GLI2: variants seen among roughly 807,000 people sequenced by gnomAD.
The protein encoded by GLI2 is GLI family zinc finger 2.
In GLI2, 22 loss-of-function variants were observed where a neutral mutation model predicts 78.9. The observed-to-expected ratio is 0.28, with a 90% CI of 0.20 to 0.40. The LOEUF is 0.40. Ranked by LOEUF, GLI2 falls within the 10% of genes least tolerant of loss-of-function variation. GLI2 has a pLI of 1.00. For synonymous variants in GLI2, 974 were observed against 963.7 expected (o/e 1.01, Z -0.20); for missense variants, 2,097 against 2,213.2 (o/e 0.95, Z 1.05).
intron 2 of GLI2, among the ~76,000 whole-genome samples, chr2:120,850,486 T>C (rs186050702): frequency 1.3e-5 from 2 of 152,226 alleles, no homozygotes; most frequent in Admixed American, 6.5e-5. Flanking sequence ...ACAATAAGGC[T>C]ATCTTCAGTC....
chr2:120,791,121 A>G (rs1356614764), intron 1 of GLI2, among the ~76,000 whole-genome samples: 1 of 152,136 alleles, frequency 6.6e-6, no homozygotes, highest in African/African-American at 2.4e-5. Context: ...TGCATCTCTC[A>G]TTGTGGGAGA....
At chr2:120,926,315 G>A (rs1331821368) in intron 2 of GLI2, among the ~76,000 whole-genome samples, 1 of 152,048 alleles carries the variant, frequency 6.6e-6, no homozygotes, top group African/African-American at 2.4e-5. Flanking sequence ...GGCAGATGGA[G>A]GTCAGGAGTT....
intron 3 of GLI2, among the ~76,000 whole-genome samples, chr2:120,933,856 G>GCCCTGC (rs1020991884): frequency 2.3e-5 from 3 of 131,630 alleles, no homozygotes; most frequent in Non-Finnish European, 4.8e-5. Flanking sequence ...GCCCTGCCCT[G>GCCCTGC]CCCTGCCCTG....
chr2:120,837,733 G>T (rs1359124587), intron 2 of GLI2, among the ~76,000 whole-genome samples: 1 of 152,182 alleles, frequency 6.6e-6, no homozygotes, highest in Non-Finnish European at 1.5e-5. Context: ...AATCGTCTCA[G>T]TAGCAATTAT....
rs1237352873 is a variant in GLI2, at chr2:120,955,530, G to A, written c.643+100G>A. 1.5e-5 allele frequency: 12 copies of A among 793,528 alleles called. No homozygotes were observed. In the Admixed American group the frequency reaches 2.8e-4, roughly 19 times the overall value. 49.2% of individuals were successfully genotyped at this position (793,528 alleles called of 1,614,324 possible). ...TTCTTTTGGGGACAAGGACCCTTAAGGAGAGGTCGGGCTGTACCCCAATGC... is the reference window on the plus strand; with the variant it reads ...TTCTTTTGGGGACAAGGACCCTTAAAGAGAGGTCGGGCTGTACCCCAATGC... On this transcript the variant is annotated intron_variant, in intron 5 of 13. Coordinates refer to ENST00000361492, the MANE Select transcript of GLI2 (RefSeq NM_001374353.1).
Position 120,797,540 on chromosome 2 carries a change from T to C in GLI2, c.148+72T>C. The C allele has an allele frequency of 9.1e-6, 13 of 1,426,788 alleles. 2 individuals are homozygous for C. In the South Asian group the frequency reaches 1.5e-4, roughly 16 times the overall value. The allele number at this position is 1,426,788 out of a possible 1,614,324, so 88.4% of individuals were successfully genotyped here. A position where few individuals can be genotyped will look rare whatever the true frequency, so the allele number is the denominator to read the frequency against. ...TTAGCCCGTTAGGATTTAATTAGAG[T>C]GGTGGCCCATGTCGTCAGGGAGGCA... On this transcript the variant is annotated intron_variant, in intron 2 of 13. Coordinates refer to ENST00000361492, the MANE Select transcript of GLI2 (RefSeq NM_001374353.1).
In GLI2 at chr2:120,988,382, C is replaced by T. The variant is rs764657013; in HGVS notation, c.2417C>T (p.Ser806Phe). ...VSSAYTVSRR[S>F]SGISPYFSSR... Reference sequence around the variant, plus strand: ...TCGGCCTACACCGTGAGCCGCCGCTCCTCCGGCATCTCCCCCTACTTCTCC... The same window carrying T: ...TCGGCCTACACCGTGAGCCGCCGCTTCTCCGGCATCTCCCCCTACTTCTCC... The change falls in exon 14 of 14, where the codon TCC becomes TTC. Residue 806 changes from serine (S) to phenylalanine (F), a missense_variant. Ser to Phe is a radical substitution (Grantham distance 155). Around this residue, in one of 5 missense-constraint regions of GLI2, gnomAD observed 1,290 missense variants for 1,261.7 expected, o/e 1.02. Coordinates refer to ENST00000361492, the MANE Select transcript of GLI2 (RefSeq NM_001374353.1). 2 of 1,571,464 alleles carry T rather than the reference C, an allele frequency of 1.3e-6. No homozygotes were observed. The highest frequency in any genetic ancestry group is 1.1e-5 in the South Asian group (1 of 86,998).
intron 2 of GLI2, among the ~76,000 whole-genome samples, chr2:120,840,211 C>T (rs1048734477): frequency 2.0e-5 from 3 of 152,232 alleles, no homozygotes; most frequent in Non-Finnish European, 4.4e-5. Flanking sequence ...CCAACCATCT[C>T]TTCAAATTAT....
chr2:120,961,675 G>A (rs371146007), intron 5 of GLI2, among the ~76,000 whole-genome samples: 4 of 152,194 alleles, frequency 2.6e-5, no homozygotes, highest in Non-Finnish European at 4.4e-5. Flanking sequence ...GGTGTGGGGG[G>A]CATTAAGGTC....
At chr2:120,865,385 A>G (rs1688081418) in intron 2 of GLI2, among the ~76,000 whole-genome samples, 4 of 152,208 alleles carry the variant, frequency 2.6e-5, no homozygotes, top group Admixed American at 2.6e-4. Context: ...CCTCGCCACT[A>G]GGAGGGACGG....
chr2:120,802,113 C>T (rs568621836), intron 2 of GLI2, among the ~76,000 whole-genome samples: 3 of 152,268 alleles, frequency 2.0e-5, no homozygotes, highest in African/African-American at 2.4e-5. Flanking sequence ...GGTCTGGGGC[C>T]GTGAGTTATT....
At chr2:120,948,387 A>C (rs1411717504) in intron 3 of GLI2, among the ~76,000 whole-genome samples, 1 of 152,084 alleles carries the variant, frequency 6.6e-6, no homozygotes, top group South Asian at 2.1e-4. Context: ...GCCCTGGGCT[A>C]CCCCTGGGCT....
chr2:120,970,418 A>T lies in GLI2; in HGVS notation c.871A>T (p.Ile291Phe), dbSNP rs200853289. ...CCCAGCCTTCACCTTCCCCCACCCC[A>T]TCAACCCCGTGGCCTACCAGCAGAT... is the stretch of plus-strand genomic sequence containing the variant. The part of the protein sequence containing the change: ...LSPAFTFPHP[I>F]NPVAYQQILS... Residue 291 changes from isoleucine to phenylalanine, a missense_variant, in exon 7 of 14, where the codon ATC becomes TTC. By Grantham distance (21) the Ile-to-Phe change is conservative. Coordinates refer to ENST00000361492, the MANE Select transcript of GLI2 (RefSeq NM_001374353.1). 2 of 1,552,526 alleles carry T rather than the reference A, an allele frequency of 1.3e-6. No homozygotes were observed. Among genetic ancestry groups the T allele is most frequent in the Non-Finnish European group, 1.7e-6 (2 of 1,147,832 alleles).
intron 2 of GLI2, among the ~76,000 whole-genome samples, chr2:120,864,460 G>T (rs918430571): frequency 1.3e-5 from 2 of 152,124 alleles, no homozygotes; most frequent in Admixed American, 6.5e-5. Flanking sequence ...CTTGCCAGAG[G>T]CACTCCCACC....
intron 5 of GLI2, among the ~76,000 whole-genome samples, chr2:120,961,738 G>A (rs2104988478): frequency 6.6e-6 from 1 of 152,296 alleles, no homozygotes; most frequent in South Asian, 2.1e-4. Context: ...AAATATCTGG[G>A]TGAGGGAGTT....
At chr2:120,748,322 G>A (rs1019014464) in intron 1 of GLI2, among the ~76,000 whole-genome samples, 8 of 152,230 alleles carry the variant, frequency 5.3e-5, no homozygotes, top group Non-Finnish European at 8.8e-5. Context: ...AAGCCCCAGA[G>A]TGAAGGCCTT....
chr2:120,780,620 G>C (rs1683815418), intron 1 of GLI2, among the ~76,000 whole-genome samples: 1 of 152,224 alleles, frequency 6.6e-6, no homozygotes, highest in Non-Finnish European at 1.5e-5. Flanking sequence ...CCCATGGCGG[G>C]TGTCCTATTC....
At chr2:120,780,555 C>T (rs1683813848) in intron 1 of GLI2, among the ~76,000 whole-genome samples, 1 of 152,216 alleles carries the variant, frequency 6.6e-6, no homozygotes, top group Admixed American at 6.5e-5. Context: ...GAGGGAGTTT[C>T]CAGCAGGCAG....
intron 1 of GLI2, among the ~76,000 whole-genome samples, chr2:120,762,183 A>C (rs1050644910): frequency 6.6e-6 from 1 of 151,968 alleles, no homozygotes; most frequent in Non-Finnish European, 1.5e-5. Context: ...TCTCCGGCTT[A>C]GGGGTTTCTA....
Sources: gnomAD v4.1 joint callset for allele counts (sites outside exome capture counted in the v4.1 genomes callset) on GRCh38, gnomAD v4.1.1 for gene constraint, gnomAD v4.1.1 regional missense constraint, MANE v1.5 for transcripts, NCBI Gene and HGNC (gene_info 2026-07-23, HGNC 2026-07-21) for gene names.